GSDMD: variants seen among roughly 807,000 people sequenced by gnomAD.
GSDMD encodes gasdermin D.
Under a neutral mutation model 46.7 loss-of-function variants are expected in GSDMD, and 46 were observed. The ratio of observed to expected loss-of-function variants is 0.99; its 90% CI spans 0.78 to 1.26. GSDMD has a LOEUF of 1.26. Ranked by LOEUF, GSDMD falls within the 50% of genes most tolerant of loss-of-function variation. GSDMD has a pLI of 0.00. For missense variants in GSDMD, 649 were observed against 638.8 expected (o/e 1.02, Z -0.17); for synonymous variants, 307 against 283.1 (o/e 1.08, Z -0.85).
At chr8:143,556,017 G>C (rs565362242), upstream of GSDMD, 2 of 152,376 alleles carry the variant, frequency 1.3e-5, no homozygotes, top group South Asian at 4.1e-4. Context: ...ATCGAGACCA[G>C]CCTGGCCAAC....
In GSDMD at chr8:143,561,098, G is replaced by C; in HGVS notation, c.676G>C (p.Asp226His). Reference sequence around the variant, plus strand: ...GGTGGCCCAGCTGGTTATTGACTCTGACTTGGGTGAGCTGGAGTTGGGGGT... The same window carrying C: ...GGTGGCCCAGCTGGTTATTGACTCTCACTTGGGTGAGCTGGAGTTGGGGGT... ...FRVAQLVIDS[D>H]LDVLLFPDKK... The change falls in exon 5 of 11, where the codon GAC becomes CAC. Residue 226 changes from aspartate to histidine, a missense_variant. Transcript: ENST00000262580. 1.2e-6 allele frequency: 2 copies of C among 1,612,806 alleles called. No homozygotes were observed. Among genetic ancestry groups the C allele is most frequent in the Non-Finnish European group, 1.7e-6 (2 of 1,179,602 alleles).
chr8:143,558,327 GC>G (rs1823358138), upstream of GSDMD: 5 of 1,522,576 alleles, frequency 3.3e-6, no homozygotes, highest in East Asian at 1.3e-4. Flanking sequence ...GGCGTCCTGG[GC>G]GGGCCCTGCG....
At chr8:143,554,525 G>A (rs960934475), upstream of GSDMD, among the ~76,000 whole-genome samples, 3 of 150,452 alleles carry the variant, frequency 2.0e-5, no homozygotes, top group Admixed American at 6.6e-5. Context: ...GTGTGCTCAC[G>A]TGCACAAACG....
At chr8:143,554,634 C>T (rs1004663793), upstream of GSDMD, among the ~76,000 whole-genome samples, 2 of 150,778 alleles carry the variant, frequency 1.3e-5, no homozygotes, top group East Asian at 2.0e-4. Flanking sequence ...CATAAACGCG[C>T]GCAAACGCAC....
At chr8:143,558,900 G>A in intron 1 of GSDMD, 1 of 537,958 alleles carries the variant, frequency 1.9e-6, no homozygotes, top group South Asian at 1.5e-5. Flanking sequence ...GAAGGCCCTG[G>A]AGGACGCAGC....
chr8:143,554,194 C>T (rs761796991), upstream of GSDMD, among the ~76,000 whole-genome samples: 4 of 151,306 alleles, frequency 2.6e-5, no homozygotes, highest in East Asian at 5.9e-4. Flanking sequence ...GCACCGGCTG[C>T]GCACCGTGAC....
At chr8:143,557,420 G>A (rs62523582), upstream of GSDMD, among the ~76,000 whole-genome samples, 7,365 of 63,286 alleles carry the variant, frequency 0.12, 119 homozygotes, top group Middle Eastern at 0.19. Flanking sequence ...TGCCGCTGTG[G>A]CGAAGGATGC....
chr8:143,558,465 CG>C lies in GSDMD; in HGVS notation c.-5+15del. On this transcript the variant is annotated intron_variant, in intron 1 of 10. Coordinates refer to ENST00000262580, the MANE Select transcript of GSDMD (RefSeq NM_024736.7). Reference sequence around the variant, plus strand: ...CCGACGGTCACGGTGAGCTGCGCCCCGCCCCCTCCCCCGGCCTGGCTGGAGC... The same window carrying C: ...CCGACGGTCACGGTGAGCTGCGCCCCCCCCCTCCCCCGGCCTGGCTGGAGC... The C allele has an allele frequency of 6.8e-7, 1 of 1,474,376 alleles. No homozygotes were observed. The highest frequency in any genetic ancestry group is 8.9e-7 in the Non-Finnish European group (1 of 1,118,312). 91.3% of individuals were successfully genotyped at this position (1,474,376 alleles called of 1,614,324 possible).
At chr8:143,556,727 G>A (rs530760025), upstream of GSDMD, among the ~76,000 whole-genome samples, 2 of 152,208 alleles carry the variant, frequency 1.3e-5, no homozygotes, top group African/African-American at 2.4e-5. Flanking sequence ...CCGTGTGCAG[G>A]GGTGGGCCCA....
At chr8:143,553,763 A>T (rs1823251983), upstream of GSDMD, 1 of 146,844 alleles carries the variant, frequency 6.8e-6, no homozygotes, top group Non-Finnish European at 1.5e-5. Flanking sequence ...AAGCTGAGGT[A>T]ACTTCGTCAC....
upstream of GSDMD, among the ~76,000 whole-genome samples, chr8:143,557,375 A>ACGACAGATGCTGCCGCTG (rs1823325007): frequency 2.8e-5 from 2 of 71,546 alleles, no homozygotes; most frequent in African/African-American, 9.7e-5. Context: ...TGCTGCCGCT[A>ACGACAGATGCTGCCGCTG]TGGCGAAGGA....
chr8:143,559,283 CTCCCG>C, intron 1 of GSDMD, 44 bp from the exon 2 acceptor site: 1 of 590,600 alleles, frequency 1.7e-6, no homozygotes, highest in South Asian at 1.7e-5. Context: ...CTCCCACTCC[CTCCCG>C]CCCGCCCCGA....
upstream of GSDMD, among the ~76,000 whole-genome samples, chr8:143,556,373 A>T (rs1012475864): frequency 1.3e-5 from 2 of 152,130 alleles, no homozygotes; most frequent in Non-Finnish European, 2.9e-5. Context: ...AGCAAGACTC[A>T]GTCTCAAAAC....
chr8:143,553,389 T>TC (rs1261549307), upstream of GSDMD: 1 of 144,350 alleles, frequency 6.9e-6, no homozygotes, highest in Non-Finnish European at 1.5e-5. Context: ...GGACCGCCCT[T>TC]CCTTGGAGCC....
At chr8:143,557,728 A>G (rs893361296), upstream of GSDMD, among the ~76,000 whole-genome samples, 6 of 152,196 alleles carry the variant, frequency 3.9e-5, no homozygotes, top group African/African-American at 1.4e-4. Context: ...ACCTTTAGTA[A>G]TACGACCATC....
At chr8:143,557,705 G>A (rs1047940836), upstream of GSDMD, among the ~76,000 whole-genome samples, 1 of 152,202 alleles carries the variant, frequency 6.6e-6, no homozygotes, top group African/African-American at 2.4e-5. Context: ...CGTGCCCCCC[G>A]CGCTGGTTAT....
chr8:143,562,593 G>A (rs1823493521), intron 10 of GSDMD, 69 bp from the exon 11 acceptor site: 3 of 1,595,926 alleles, frequency 1.9e-6, no homozygotes, highest in Non-Finnish European at 2.6e-6. Context: ...CACCTGGGAA[G>A]GGGTGGTATG....
At chr8:143,559,125 G>T (rs1200665691) in intron 1 of GSDMD, 1 of 601,486 alleles carries the variant, frequency 1.7e-6, no homozygotes, top group East Asian at 2.8e-5. Flanking sequence ...TGGTACCGTA[G>T]ACAACAGGGA....
chr8:143,558,113 T>C (rs979525259), upstream of GSDMD: 4 of 523,368 alleles, frequency 7.6e-6, no homozygotes, highest in African/African-American at 8.0e-5. Flanking sequence ...AGTCTGGTCT[T>C]GAACTCCCGA....
Sources: gnomAD v4.1 joint callset for allele counts (sites outside exome capture counted in the v4.1 genomes callset) on GRCh38, gnomAD v4.1.1 for gene constraint, MANE v1.5 for transcripts, NCBI Gene and HGNC (gene_info 2026-07-23, HGNC 2026-07-21) for gene names.